Variants in TMEM44 observed in about 807,000 individuals in gnomAD.
The protein encoded by TMEM44 is transmembrane protein 44.
TMEM44 carries 43 observed loss-of-function variants against 47.8 expected under a neutral mutation model. The observed-to-expected ratio is 0.90, with a 90% CI of 0.70 to 1.16. TMEM44 has a LOEUF of 1.16. TMEM44 is among the 50% of genes most tolerant of loss of function. The pLI, the probability that TMEM44 is intolerant of heterozygous loss-of-function variation, is 0.00. For missense variants in TMEM44, 568 were observed against 555.2 expected, an observed-to-expected ratio of 1.02 and a Z score of -0.23; for synonymous variants, 277 against 238.8, an observed-to-expected ratio of 1.16 and a Z score of -1.48.
At chr3:194,594,966 C>A (rs1706000) in intron 9 of TMEM44, among the ~76,000 whole-genome samples, 47,055 of 152,024 alleles carry the variant, frequency 0.31, 9,002 homozygotes, top group Non-Finnish European at 0.44. Context: ...ACAATTAACC[C>A]AAATCTTTGT....
chr3:194,632,856 C>T, intron 1 of TMEM44: 1 of 767,466 alleles, frequency 1.3e-6, no homozygotes, highest in Non-Finnish European at 1.9e-6. Flanking sequence ...TCCGCTGCAC[C>T]ACCCAGCCTC....
chr3:194,616,087 T>C (rs953760178), intron 6 of TMEM44, among the ~76,000 whole-genome samples: 1 of 152,046 alleles, frequency 6.6e-6, no homozygotes, highest in African/African-American at 2.4e-5. Flanking sequence ...AGTCTCGCTC[T>C]GTCACCCAGG....
intron 7 of TMEM44, among the ~76,000 whole-genome samples, chr3:194,613,973 T>A (rs558778744): frequency 6.6e-5 from 10 of 151,704 alleles, no homozygotes; most frequent in African/African-American, 2.4e-4. Context: ...AAATACAAAA[T>A]TAGCCGGGCA....
chr3:194,620,678 G>A lies in TMEM44; in HGVS notation c.612+2546C>T, dbSNP rs575815480. 1.4e-3 allele frequency among the ~76,000 whole-genome samples: 217 copies of A among 152,230 alleles called. 1 individual carries two copies. The highest frequency in any genetic ancestry group is 3.4e-3 in the Middle Eastern group (1 of 294). ...GACACAGTGGTGGGGCTGGCCTGGG[G>A]GCTGTTTTAGGTGGGGTGGTGTTAT... On this transcript the variant is annotated intron_variant, in intron 5 of 9. Coordinates refer to ENST00000347147, the MANE Select transcript of TMEM44 (RefSeq NM_001011655.3).
intron 8 of TMEM44, among the ~76,000 whole-genome samples, chr3:194,609,809 C>T (rs1184716811): frequency 6.6e-6 from 1 of 152,128 alleles, no homozygotes; most frequent in Non-Finnish European, 1.5e-5. Context: ...CTGGCCCTGA[C>T]TGACTGCTCG....
intron 7 of TMEM44, among the ~76,000 whole-genome samples, chr3:194,613,085 A>G (rs1017237620): frequency 6.6e-6 from 1 of 152,238 alleles, no homozygotes; most frequent in African/African-American, 2.4e-5. Flanking sequence ...TTAAATCAAT[A>G]AAAGGAGACG....
chr3:194,630,536 A>G (rs1484610785), intron 1 of TMEM44, among the ~76,000 whole-genome samples: 2 of 29,616 alleles, frequency 6.8e-5, no homozygotes, highest in Non-Finnish European at 5.9e-5. Context: ...GGCTGTTTCC[A>G]TCGGCGTCAC....
chr3:194,619,022 T>G (rs1396630568), intron 5 of TMEM44, among the ~76,000 whole-genome samples: 2 of 152,246 alleles, frequency 1.3e-5, no homozygotes, highest in Non-Finnish European at 2.9e-5. Flanking sequence ...GAAGCAGCAC[T>G]GCTATGGCTA....
intron 2 of TMEM44, among the ~76,000 whole-genome samples, chr3:194,626,345 TA>T (rs1372119174): frequency 6.6e-6 from 1 of 152,334 alleles, no homozygotes; most frequent in East Asian, 1.9e-4. Flanking sequence ...TCCCCATCTG[TA>T]AAACGAGCAA....
At chr3:194,588,946 T>G (rs1247831655) in intron 9 of TMEM44, 1 of 356,342 alleles carries the variant, frequency 2.8e-6, no homozygotes, top group Non-Finnish European at 5.2e-6. Flanking sequence ...AGTCATGTTC[T>G]CCTTATCCTG....
intron 9 of TMEM44, among the ~76,000 whole-genome samples, chr3:194,602,644 C>T (rs1269381250): frequency 6.6e-6 from 1 of 151,378 alleles, no homozygotes; most frequent in Non-Finnish European, 1.5e-5. Context: ...GCTCTGGGCA[C>T]TCAGAGGAAG....
intron 9 of TMEM44, among the ~76,000 whole-genome samples, chr3:194,594,519 TA>T (rs911666370): frequency 9.5e-5 from 14 of 146,828 alleles, no homozygotes; most frequent in East Asian, 2.0e-4. Context: ...GATAAGGACT[TA>T]AAAAAAAAAC....
At chr3:194,604,977 C>T (rs576962367) in intron 8 of TMEM44, among the ~76,000 whole-genome samples, 2 of 152,334 alleles carry the variant, frequency 1.3e-5, no homozygotes, top group East Asian at 1.9e-4. Flanking sequence ...AGAGTATGTA[C>T]ATTTGAAATC....
chr3:194,603,740 C>G (rs1253040710), intron 9 of TMEM44, among the ~76,000 whole-genome samples: 1 of 152,186 alleles, frequency 6.6e-6, no homozygotes, highest in East Asian at 1.9e-4. Context: ...TCATTCATCA[C>G]TCAAGTGATC....
chr3:194,603,375 T>C (rs912968541), intron 9 of TMEM44, among the ~76,000 whole-genome samples: 2 of 151,890 alleles, frequency 1.3e-5, no homozygotes, highest in Non-Finnish European at 2.9e-5. Flanking sequence ...AAAGCTCCCA[T>C]GGGCAAATCA....
chr3:194,631,974 C>T (rs1013745056), intron 1 of TMEM44, among the ~76,000 whole-genome samples: 11 of 152,220 alleles, frequency 7.2e-5, no homozygotes, highest in Admixed American at 3.9e-4. Context: ...AAGGATAATG[C>T]GTGTCCAGCG....
chr3:194,590,672 C>A (rs1712554849), intron 9 of TMEM44, among the ~76,000 whole-genome samples: 2 of 152,198 alleles, frequency 1.3e-5, no homozygotes, highest in African/African-American at 4.8e-5. Flanking sequence ...AGCACCCAGG[C>A]TGCTGGCTAA....
In TMEM44 at chr3:194,633,186, C is replaced by A. The variant is rs749091778; in HGVS notation, c.30G>T (p.Ala10=). The A allele has an allele frequency of 8.1e-5, 124 of 1,530,198 alleles. No individual in the cohort carries two copies. The highest frequency in any genetic ancestry group is 1.0e-4 in the Non-Finnish European group (114 of 1,138,340). The allele number at this position is 1,530,198 out of a possible 1,614,324, so 94.8% of individuals were successfully genotyped here. ...GGTCCAGGTAGTCCCAGTCCCAGAG[C>A]GCGGGCGCGGGGCTGGGCGCCTCCC... MGEAPSPAP[A]LWDWDYLDRC... Residue 10 remains alanine, a synonymous_variant, in exon 1 of 10, where the codon GCG becomes GCT. Transcript: ENST00000347147.
At position 194,604,443 on chromosome 3, in the gene TMEM44, T is replaced by C. The variant is rs1397717382; in HGVS notation, c.1020A>G (p.Ala340=). ...CTGGCAGCCTGGTGGCACTGCAGCCTGCCTGCAAGGTGTGTGAGAAAGGGC... is the reference window on the plus strand; with the variant it reads ...CTGGCAGCCTGGTGGCACTGCAGCCCGCCTGCAAGGTGTGTGAGAAAGGGC... The part of the protein sequence containing the change: ...MELTIEPVQQ[A]GCSATRLPGD... The change falls in exon 9 of 10, where the codon GCA becomes GCG. Residue 340 remains alanine (A), a splice_region_variant and synonymous_variant. Coordinates refer to ENST00000347147, the MANE Select transcript of TMEM44 (RefSeq NM_001011655.3). The C allele has an allele frequency of 5.3e-6, 8 of 1,512,474 alleles. No individual in the cohort carries two copies. Among genetic ancestry groups the C allele is most frequent in the Non-Finnish European group, 6.2e-6 (7 of 1,123,200 alleles). The allele number at this position is 1,512,474 out of a possible 1,614,324, so 93.7% of individuals were successfully genotyped here.
Sources: allele counts gnomAD v4.1 joint callset (sites outside exome capture counted in the v4.1 genomes callset), GRCh38; gene constraint gnomAD v4.1.1; transcripts MANE v1.5; gene names NCBI Gene and HGNC (gene_info 2026-07-23, HGNC 2026-07-21).